The following MYO9A variants were observed in gnomAD, a reference collection of about 807,000 sequenced individuals.
The protein encoded by MYO9A is myosin IXA, also known as unconventional myosin-IXa.
MYO9A carries 103 observed loss-of-function variants against 293.3 expected under a neutral mutation model. The observed-to-expected ratio is 0.35, with a 90% CI of 0.30 to 0.41. MYO9A has a LOEUF of 0.41. Ranked by LOEUF, MYO9A falls within the 10% of genes least tolerant of loss-of-function variation. The pLI, the probability that MYO9A is intolerant of heterozygous loss-of-function variation, is 1.00. For missense variants in MYO9A, 2,685 were observed against 3,033.0 expected, an observed-to-expected ratio of 0.89 and a Z score of 2.69; for synonymous variants, 1,001 against 1,035.7, an observed-to-expected ratio of 0.97 and a Z score of 0.64.
chr15:71,935,530 AC>A (rs1256272798), intron 16 of MYO9A, 46 bp from the exon 17 acceptor site: 5 of 1,532,412 alleles, frequency 3.3e-6, no homozygotes, highest in Non-Finnish European at 4.4e-6. Context: ...CGTCTCTAAC[AC>A]TATACTGCTT....
intron 15 of MYO9A, among the ~76,000 whole-genome samples, chr15:71,949,794 C>T (rs937240167): frequency 6.6e-6 from 1 of 151,880 alleles, no homozygotes; most frequent in Admixed American, 6.6e-5. Flanking sequence ...GGATTTTCCT[C>T]CTAAACCCCA....
intron 39 of MYO9A, chr15:71,847,493 G>C (rs1278603663): frequency 2.2e-6 from 1 of 451,042 alleles, no homozygotes; most frequent in African/African-American, 2.0e-5. Context: ...ACATGAAAAG[G>C]AAAGCAGAAG....
At chr15:71,850,494 G>A (rs1178280718) in intron 37 of MYO9A, among the ~76,000 whole-genome samples, 1 of 152,056 alleles carries the variant, frequency 6.6e-6, no homozygotes, top group African/African-American at 2.4e-5. Context: ...GGCCAGGCAC[G>A]GTGGCCCACA....
At chr15:72,073,710 G>T (rs2079261747) in intron 1 of MYO9A, among the ~76,000 whole-genome samples, 1 of 152,062 alleles carries the variant, frequency 6.6e-6, no homozygotes, top group Non-Finnish European at 1.5e-5. Context: ...CAGTAATTTG[G>T]ATAACTCTTA....
chr15:71,903,996 C>G lies in MYO9A; in HGVS notation c.2810G>C (p.Arg937Pro). The G allele has an allele frequency of 6.2e-7, 1 of 1,613,954 alleles. No individual in the cohort carries two copies. The highest frequency in any genetic ancestry group is 8.5e-7 in the Non-Finnish European group (1 of 1,179,984). ...FSDVLVLRQL[R>P]YTGMLETVRI... ...AACTGTTTCCAGCATCCCGGTGTAT[C>G]GAAGCTGTCTAAGTACCAAGACATC... is the stretch of plus-strand genomic sequence containing the variant. Residue 937 changes from arginine to proline, a missense_variant, in exon 21 of 42, where the codon CGA becomes CCA. Transcript: ENST00000356056.
intron 19 of MYO9A, among the ~76,000 whole-genome samples, chr15:71,906,620 C>T (rs1596158269): frequency 6.6e-6 from 1 of 151,660 alleles, no homozygotes; most frequent in African/African-American, 2.4e-5. Flanking sequence ...GTCACTATAG[C>T]TTTCTTTTGG....
chr15:71,917,765 A>G (rs1426605374), intron 18 of MYO9A, among the ~76,000 whole-genome samples: 1 of 152,198 alleles, frequency 6.6e-6, no homozygotes, highest in African/African-American at 2.4e-5. Flanking sequence ...TGTAAACTAT[A>G]TGTTATTTAA....
intron 1 of MYO9A, among the ~76,000 whole-genome samples, chr15:72,069,016 C>G (rs1459672091): frequency 6.6e-6 from 1 of 152,186 alleles, no homozygotes; most frequent in Non-Finnish European, 1.5e-5. Context: ...CATGGCAGAG[C>G]TAGGATGTGC....
chr15:71,896,085 G>C (rs956754936), intron 25 of MYO9A, among the ~76,000 whole-genome samples: 2 of 152,136 alleles, frequency 1.3e-5, no homozygotes, highest in African/African-American at 2.4e-5. Flanking sequence ...GAAATCTGTA[G>C]GTTAATGGGT....
Position 71,960,072 on chromosome 15 carries a change from G to C in MYO9A, c.2011C>G (p.His671Asp), listed in dbSNP as rs142260185. 1.2e-6 allele frequency: 2 copies of C among 1,613,944 alleles called. No homozygotes were observed. The highest frequency in any genetic ancestry group is 1.7e-6 in the Non-Finnish European group (2 of 1,179,930). Residue 671 changes from histidine to aspartate, a missense_variant, in exon 14 of 42, where the codon CAT becomes GAT. Physicochemically the swap from His to Asp is moderately conservative, Grantham distance 81. Around this residue, in one of 10 missense-constraint regions of MYO9A, gnomAD observed 201 missense variants for 245.2 expected, o/e 0.82. Transcript: ENST00000356056. Reference protein sequence around the residue: ...VKDFREKNTDHMRPDIVALLR... With the variant: ...VKDFREKNTDDMRPDIVALLR... ...AGAGCTACAATGTCTGGGCGCATAT[G>C]ATCTGTATTTTTTTCCCGGAAATCC... is the stretch of plus-strand genomic sequence containing the variant.
Position 72,048,396 on chromosome 15 carries a change from C to CA in MYO9A, c.-71-1763dup, listed in dbSNP as rs200287252. On this transcript the variant is annotated intron_variant, in intron 1 of 41. Coordinates refer to ENST00000356056, the MANE Select transcript of MYO9A (RefSeq NM_006901.4). Reference sequence around the variant, plus strand: ...CCTGGGTGACAGAATGAGACTGTCTCAAAAAAAAAAAAAATTAAAAAAGAA... The same window carrying CA: ...CCTGGGTGACAGAATGAGACTGTCTCAAAAAAAAAAAAAAATTAAAAAAGAA... Among the ~76,000 whole-genome samples, 263 of 124,024 alleles carry CA rather than the reference C, an allele frequency of 2.1e-3. 1 individual carries two copies. The highest frequency in any genetic ancestry group is 7.3e-3 in the South Asian group (29 of 3,998). The allele number at this position is 124,024 out of a possible 152,430, so 81.4% of individuals were successfully genotyped here.
chr15:72,098,444 A>C (rs1024726210), intron 1 of MYO9A, among the ~76,000 whole-genome samples: 1 of 152,188 alleles, frequency 6.6e-6, no homozygotes, highest in African/African-American at 2.4e-5. Context: ...ATTGTCACTT[A>C]TTTGGAAATT....
intron 11 of MYO9A, among the ~76,000 whole-genome samples, chr15:71,989,477 G>A (rs867887514): frequency 6.6e-6 from 1 of 152,064 alleles, no homozygotes; most frequent in Non-Finnish European, 1.5e-5. Flanking sequence ...AGTACAGTCA[G>A]CCCTCTGTAT....
chr15:71,846,354 G>C (rs1184132805), intron 39 of MYO9A, among the ~76,000 whole-genome samples: 1 of 152,078 alleles, frequency 6.6e-6, no homozygotes, highest in Non-Finnish European at 1.5e-5. Flanking sequence ...CAACATCAGG[G>C]GAGAAAGGGT....
At chr15:71,880,010 CTA>C (rs1354299215) in intron 29 of MYO9A, among the ~76,000 whole-genome samples, 173 bp from the exon 30 acceptor site, 2 of 152,204 alleles carry the variant, frequency 1.3e-5, no homozygotes, top group African/African-American at 2.4e-5. Flanking sequence ...AATTACTACT[CTA>C]TGATTTCTAA....
chr15:71,938,946 C>G lies in MYO9A; in HGVS notation c.2303-19G>C. ...GTTATACCTAGCAAAATTTAAAAAACAGAAAATTTCAAATCAGTGCAAAGA... is the reference window on the plus strand; with the variant it reads ...GTTATACCTAGCAAAATTTAAAAAAGAGAAAATTTCAAATCAGTGCAAAGA... On this transcript the variant is annotated intron_variant, in intron 15 of 41. Transcript: ENST00000356056. 1 of 1,574,038 alleles carries G rather than the reference C, an allele frequency of 6.4e-7. No individual in the cohort carries two copies. The highest frequency in any genetic ancestry group is 8.7e-7 in the Non-Finnish European group (1 of 1,155,188).
At chr15:72,050,602 G>A (rs773117065) in intron 1 of MYO9A, among the ~76,000 whole-genome samples, 8 of 151,796 alleles carry the variant, frequency 5.3e-5, no homozygotes, top group South Asian at 2.1e-4. Context: ...GCAAGACTCC[G>A]TCTCTAAATA....
At chr15:72,092,132 C>A (rs915526539) in intron 1 of MYO9A, among the ~76,000 whole-genome samples, 1 of 152,208 alleles carries the variant, frequency 6.6e-6, no homozygotes. Flanking sequence ...AGGTTAGCTA[C>A]TGACAGAAGC....
chr15:71,984,413 T>C (rs1471735358), intron 11 of MYO9A, among the ~76,000 whole-genome samples: 1 of 152,212 alleles, frequency 6.6e-6, no homozygotes, highest in Non-Finnish European at 1.5e-5. Flanking sequence ...TAAATATCTT[T>C]GTATTTAACA....
Sources: allele counts gnomAD v4.1 joint callset (sites outside exome capture counted in the v4.1 genomes callset), GRCh38; gene constraint gnomAD v4.1.1; regional missense constraint gnomAD v4.1.1; transcripts MANE v1.5; gene names NCBI Gene and HGNC (gene_info 2026-07-23, HGNC 2026-07-21).